JAKMIP3: variants seen among roughly 807,000 people sequenced by gnomAD.
JAKMIP3 encodes the protein Janus kinase and microtubule interacting protein 3.
JAKMIP3 carries 58 observed loss-of-function variants against 118.5 expected under a neutral mutation model. The ratio of observed to expected loss-of-function variants is 0.49; its 90% confidence interval spans 0.40 to 0.61. JAKMIP3 has a LOEUF of 0.61. JAKMIP3 is among the 20% of genes least tolerant of loss of function. The pLI, the probability that JAKMIP3 is intolerant of heterozygous loss-of-function variation, is 0.00. For synonymous variants in JAKMIP3, 486 were observed against 451.2 expected, an observed-to-expected ratio of 1.08 and a Z score of -0.98; for missense variants, 950 against 1,109.0, an observed-to-expected ratio of 0.86 and a Z score of 2.04.
intron 23 of JAKMIP3, among the ~76,000 whole-genome samples, chr10:132,175,839 TGTGTA>T (rs2060091402): frequency 6.6e-6 from 1 of 152,202 alleles, no homozygotes; most frequent in Non-Finnish European, 1.5e-5. Flanking sequence ...TTAAAAGAAA[TGTGTA>T]ATGCTCTGCA....
intron 1 of JAKMIP3, among the ~76,000 whole-genome samples, chr10:132,056,264 C>T (rs551570452): frequency 2.6e-5 from 4 of 152,296 alleles, no homozygotes; most frequent in Non-Finnish European, 4.4e-5. Flanking sequence ...AAAGCTTGTC[C>T]GTGGCCTGTG....
intron 1 of JAKMIP3, among the ~76,000 whole-genome samples, chr10:132,050,046 C>G (rs1360128198): frequency 6.6e-6 from 1 of 152,148 alleles, no homozygotes; most frequent in Non-Finnish European, 1.5e-5. Context: ...TTATCTCTTT[C>G]TCTCTCTTTT....
chr10:132,166,931 CTT>C (rs1175791933), intron 21 of JAKMIP3, 50 bp from the exon 22 acceptor site: 1 of 1,341,042 alleles, frequency 7.5e-7, no homozygotes, highest in Admixed American at 2.0e-5. Context: ...ACTACAAACT[CTT>C]TTTTCTCTTT....
At chr10:132,127,474 C>T (rs79065584) in intron 3 of JAKMIP3, among the ~76,000 whole-genome samples, 1,949 of 151,918 alleles carry the variant, frequency 0.013, 50 homozygotes, top group African/African-American at 0.045. Flanking sequence ...AGGCTGGTCT[C>T]GAACTCCTGA....
chr10:132,048,286 A>AGGGCCTGCTTCTT (rs140121417), intron 1 of JAKMIP3, among the ~76,000 whole-genome samples: 2 of 152,164 alleles, frequency 1.3e-5, no homozygotes, highest in African/African-American at 4.8e-5. Context: ...GAGACTGTGC[A>AGGGCCTGCTTCTT]GGGCCTGCTT....
intron 1 of JAKMIP3, among the ~76,000 whole-genome samples, chr10:132,076,386 C>CA (rs2134093301): frequency 6.6e-6 from 1 of 152,364 alleles, no homozygotes; most frequent in Admixed American, 6.5e-5. Flanking sequence ...GTGGATAGAC[C>CA]GTTTTTGTTT....
At chr10:132,180,698 T>TGTGC (rs1554963250) in intron 23 of JAKMIP3, among the ~76,000 whole-genome samples, 1 of 15,412 alleles carries the variant, frequency 6.5e-5, no homozygotes, top group Admixed American at 9.9e-4. Flanking sequence ...TGTGCGTGCG[T>TGTGC]GTGTGTGTGC....
At chr10:132,135,226 C>T in intron 5 of JAKMIP3, 66 bp downstream of exon 5, 2 of 1,484,414 alleles carry the variant, frequency 1.3e-6, no homozygotes, top group Non-Finnish European at 1.8e-6. Flanking sequence ...ACCTGGGGGG[C>T]ATCCACTTTC....
At chr10:132,161,416 G>T (rs1283159224) in intron 19 of JAKMIP3, among the ~76,000 whole-genome samples, 1 of 90,376 alleles carries the variant, frequency 1.1e-5, no homozygotes, top group Non-Finnish European at 2.2e-5. Context: ...TCTTACTGGG[G>T]GGGGCCTCTC....
chr10:132,139,049 A>AGAGTGTGTGTGTGT (rs71228743), intron 9 of JAKMIP3, among the ~76,000 whole-genome samples: 1,826 of 150,142 alleles, frequency 0.012, 18 homozygotes, highest in Non-Finnish European at 0.019. Context: ...CTTTATGTTG[A>AGAGTGTGTGTGTGT]GTGTGTGTGT....
At chr10:132,070,900 CTA>C (rs1469808989) in intron 1 of JAKMIP3, among the ~76,000 whole-genome samples, 3 of 152,186 alleles carry the variant, frequency 2.0e-5, no homozygotes, top group South Asian at 2.1e-4. Flanking sequence ...AGAAGGATCT[CTA>C]TTATTTCTAT....
intron 3 of JAKMIP3, among the ~76,000 whole-genome samples, chr10:132,127,258 CTG>C (rs1261602845): frequency 7.0e-6 from 1 of 143,860 alleles, no homozygotes; most frequent in East Asian, 2.0e-4. Flanking sequence ...GTTTCTCACT[CTG>C]TTGCCCAGGC....
chr10:132,151,721 C>T (rs1322351031), intron 16 of JAKMIP3, among the ~76,000 whole-genome samples: 1 of 152,240 alleles, frequency 6.6e-6, no homozygotes, highest in East Asian at 1.9e-4. Context: ...TTCAGGGTTC[C>T]TGCCCAGCCC....
chr10:132,136,657 T>A (rs965148033), intron 6 of JAKMIP3, among the ~76,000 whole-genome samples: 7 of 152,134 alleles, frequency 4.6e-5, no homozygotes, highest in African/African-American at 1.7e-4. Flanking sequence ...CTTTTCACAC[T>A]GAATTAGAGT....
rs545942131 is a variant in JAKMIP3, at chr10:132,096,578, C to G, written c.-137-8094C>G. 1.4e-3 allele frequency among the ~76,000 whole-genome samples: 217 copies of G among 152,296 alleles called. 2 individuals are homozygous for G. Among genetic ancestry groups the G allele is most frequent in the African/African-American group, 5.0e-3 (209 of 41,566 alleles). On this transcript the variant is annotated intron_variant, in intron 1 of 23. Transcript: ENST00000684848. ...GTAACTGAAATGATAATGGTAAATA[C>G]AGGTGCAAGATTTTTTTCCTTGATG...
At chr10:132,066,891 G>A (rs562750279) in intron 1 of JAKMIP3, among the ~76,000 whole-genome samples, 4 of 152,194 alleles carry the variant, frequency 2.6e-5, no homozygotes, top group East Asian at 1.9e-4. Flanking sequence ...GAGACTGGCC[G>A]GGAAACCATG....
intron 1 of JAKMIP3, among the ~76,000 whole-genome samples, chr10:132,071,852 T>C (rs2039943362): frequency 7.5e-6 from 1 of 132,744 alleles, no homozygotes. Context: ...TTTCTTTCTT[T>C]CCTTTCTTTC....
At chr10:132,177,187 A>G (rs187354416) in intron 23 of JAKMIP3, among the ~76,000 whole-genome samples, 2 of 152,392 alleles carry the variant, frequency 1.3e-5, no homozygotes, top group South Asian at 2.1e-4. Flanking sequence ...GGTTAAAGCA[A>G]TAATGGATCC....
At chr10:132,142,291 G>A (rs1330417692) in intron 11 of JAKMIP3, among the ~76,000 whole-genome samples, 2 of 152,218 alleles carry the variant, frequency 1.3e-5, no homozygotes, top group African/African-American at 4.8e-5. Context: ...ACAGGTGTGA[G>A]TAAGGGTCCT....
Sources: gnomAD v4.1 joint callset for allele counts (sites outside exome capture counted in the v4.1 genomes callset) on GRCh38, gnomAD v4.1.1 for gene constraint, MANE v1.5 for transcripts, NCBI Gene and HGNC (gene_info 2026-07-23, HGNC 2026-07-21) for gene names.